FRMPD4: variants seen among roughly 807,000 people sequenced by gnomAD.
FRMPD4 encodes the protein FERM and PDZ domain containing 4.
A neutral mutation model predicts 94.1 loss-of-function variants in FRMPD4; 22 were observed. The observed-to-expected ratio is 0.23, with a 90% CI of 0.17 to 0.33. The LOEUF (loss-of-function observed/expected upper bound fraction) is 0.33, where lower values mean the gene tolerates loss of function less well. Among genes scored for constraint, FRMPD4 ranks in the 10% least tolerant of loss-of-function variants. The probability of loss-of-function intolerance (pLI) is 1.00; values close to 1 mark genes in which losing one functional copy is unlikely to be tolerated. For synonymous variants in FRMPD4, 631 were observed against 548.6 expected, an observed-to-expected ratio of 1.15 and a Z score of -2.10; for missense variants, 1,111 against 1,339.9, an observed-to-expected ratio of 0.83 and a Z score of 2.67.
intron 3 of FRMPD4, among the ~76,000 whole-genome samples, chrX:12,007,705 G>T (rs2054561101): frequency 1.8e-5 from 2 of 112,412 alleles, no homozygotes; most frequent in African/African-American, 3.2e-5. Context: ...GGGGTCAAGA[G>T]CAAGAAATGG....
chrX:12,700,513 A>C (rs1274302823), intron 9 of FRMPD4, among the ~76,000 whole-genome samples: 1 of 111,830 alleles, frequency 8.9e-6, no homozygotes, highest in Non-Finnish European at 1.9e-5. Context: ...AGCACTTTAC[A>C]CTTGATGACA....
chrX:11,996,671 A>G (rs1382965408), intron 3 of FRMPD4, among the ~76,000 whole-genome samples: 1 of 112,260 alleles, frequency 8.9e-6, no homozygotes, highest in Non-Finnish European at 1.9e-5. Context: ...TATGAATCAC[A>G]GTGCCTGGCA....
chrX:12,398,698 C>CA (rs1197672493), intron 1 of FRMPD4, among the ~76,000 whole-genome samples: 1 of 110,332 alleles, frequency 9.1e-6, no homozygotes, highest in Non-Finnish European at 1.9e-5. Context: ...TTTTGGTTTA[C>CA]AAAAAAATTA....
At chrX:12,718,826 T>C in intron 16 of FRMPD4, 36 bp downstream of exon 16, 1 of 857,910 alleles carries the variant, frequency 1.2e-6, no homozygotes, top group East Asian at 3.1e-5. Flanking sequence ...TTGTATGACA[T>C]GCCAAGAGCA....
intron 14 of FRMPD4, 61 bp downstream of exon 14, chrX:12,710,598 A>G: frequency 9.6e-7 from 1 of 1,037,805 alleles, no homozygotes; most frequent in Non-Finnish European, 1.3e-6. Context: ...CCTGACAACA[A>G]TAATAAGGAT....
intron 3 of FRMPD4, among the ~76,000 whole-genome samples, chrX:11,970,409 C>T (rs1458034952): frequency 8.9e-6 from 1 of 112,191 alleles, no homozygotes; most frequent in Non-Finnish European, 1.9e-5. Context: ...GCTCTTCTGC[C>T]TTTCCATTGT....
At chrX:12,025,783 A>G (rs1489330683) in intron 3 of FRMPD4, among the ~76,000 whole-genome samples, 2 of 111,646 alleles carry the variant, frequency 1.8e-5, no homozygotes, top group East Asian at 2.8e-4. Context: ...GCCAATGACT[A>G]CAGGAGTGTG....
intron 3 of FRMPD4, among the ~76,000 whole-genome samples, chrX:11,878,311 C>T (rs1324179136): frequency 8.9e-6 from 1 of 112,082 alleles, no homozygotes; most frequent in Non-Finnish European, 1.9e-5. Flanking sequence ...TCCACAGGCA[C>T]TTTTGGGAAA....
intron 1 of FRMPD4, among the ~76,000 whole-genome samples, chrX:12,372,530 G>A (rs1218532004): frequency 8.9e-6 from 1 of 112,834 alleles, no homozygotes; most frequent in Non-Finnish European, 1.9e-5. Context: ...GGACCTGCTG[G>A]AATGTTCCTC....
At chrX:12,352,372 C>T (rs2055827838) in intron 1 of FRMPD4, among the ~76,000 whole-genome samples, 1 of 112,165 alleles carries the variant, frequency 8.9e-6, no homozygotes, top group Non-Finnish European at 1.9e-5. Flanking sequence ...TATCTCGACT[C>T]ACATGTTTTG....
intron 1 of FRMPD4, among the ~76,000 whole-genome samples, chrX:12,326,641 C>T (rs748459968): frequency 9.0e-6 from 1 of 111,598 alleles, no homozygotes; most frequent in African/African-American, 3.3e-5. Context: ...GGCGACCAGC[C>T]TCAAGCATTC....
chrX:12,305,747 T>TTTTTTTTTTTTTTTTTTTTG (rs1569225517), intron 1 of FRMPD4, among the ~76,000 whole-genome samples: 1 of 91,699 alleles, frequency 1.1e-5, no homozygotes, highest in Admixed American at 1.3e-4. Context: ...TTTTTTTTTT[T>TTTTTTTTTTTTTTTTTTTTG]ACAGAGACAG....
chrX:12,553,466 A>ATATATATATATATATCTATC (rs368999462), intron 2 of FRMPD4, among the ~76,000 whole-genome samples: 2 of 78,095 alleles, frequency 2.6e-5, no homozygotes, highest in African/African-American at 5.3e-5. Flanking sequence ...ATATATATAT[A>ATATATATATATATATCTATC]TCTAATCCAC....
Position 12,079,132 on chromosome X carries a change from T to C in FRMPD4, c.95+201114T>C, listed in dbSNP as rs540059517. Among the ~76,000 whole-genome samples the C allele has an allele frequency of 9.0e-5, 10 of 111,225 alleles. No homozygotes were observed. In the South Asian group the frequency reaches 3.8e-3, roughly 43 times the overall value. ...AGGGTTTAAAGGGTTCCAGTCCTAA[T>C]TTGGACCATAATTTCTGTATGCTCA... On this transcript the variant is annotated intron_variant, in intron 3 of 18. Coordinates refer to the FRMPD4 transcript ENST00000640291.
intron 1 of FRMPD4, among the ~76,000 whole-genome samples, chrX:12,180,105 C>T (rs2158002): frequency 0.52 from 57,014 of 109,692 alleles, 11,836 homozygotes; most frequent in East Asian, 0.84. Context: ...ATGGAGACTT[C>T]ACTATTCCTT....
chrX:12,077,434 T>C (rs1355484734), intron 3 of FRMPD4, among the ~76,000 whole-genome samples: 4 of 111,440 alleles, frequency 3.6e-5, no homozygotes, highest in Non-Finnish European at 7.5e-5. Context: ...AGGAAGGGAG[T>C]GTGGGGCTTT....
At chrX:12,228,663 G>A (rs183433306) in intron 1 of FRMPD4, among the ~76,000 whole-genome samples, 1 of 112,250 alleles carries the variant, frequency 8.9e-6, no homozygotes, top group Admixed American at 9.5e-5. Flanking sequence ...CTGGTGAAAG[G>A]CAAACTTACT....
At chrX:12,122,222 C>T (rs1403513281) in intron 3 of FRMPD4, among the ~76,000 whole-genome samples, 1 of 111,201 alleles carries the variant, frequency 9.0e-6, no homozygotes, top group Non-Finnish European at 1.9e-5. Context: ...GTAATATCCC[C>T]CTTAGCAATG....
intron 2 of FRMPD4, among the ~76,000 whole-genome samples, chrX:12,524,262 G>A (rs1422501958): frequency 2.7e-5 from 3 of 112,344 alleles, no homozygotes; most frequent in Non-Finnish European, 5.6e-5. Flanking sequence ...GACTCAGATG[G>A]ACTGGAATCT....
Sources: gnomAD v4.1 joint callset for allele counts (sites outside exome capture counted in the v4.1 genomes callset) on GRCh38, gnomAD v4.1.1 for gene constraint, MANE v1.5 for transcripts, NCBI Gene and HGNC (gene_info 2026-07-23, HGNC 2026-07-21) for gene names.